The following OXR1 variants were observed in gnomAD, a reference collection of about 807,000 sequenced individuals.
OXR1 encodes the protein oxidation resistance 1.
In OXR1, 41 loss-of-function variants were observed where a neutral mutation model predicts 104.6. The observed-to-expected ratio is 0.39, with a 90% CI of 0.31 to 0.51. The LOEUF (loss-of-function observed/expected upper bound fraction) is 0.51, where lower values mean the gene tolerates loss of function less well. Among genes scored for constraint, OXR1 ranks in the 20% least tolerant of loss-of-function variants. The pLI is 0.77. For missense variants in OXR1, 955 were observed against 1,031.9 expected (o/e 0.93, Z 1.02); for synonymous variants, 348 against 348.4 (o/e 1.00, Z 0.01).
intron 11 of OXR1, chr8:106,720,596 A>G (rs1832746872): frequency 5.8e-6 from 2 of 342,634 alleles, no homozygotes; most frequent in Non-Finnish European, 8.3e-6. Context: ...TTGTGCCTTG[A>G]TTTTTAAGAA....
At chr8:106,385,322 C>G (rs1434273128) in intron 2 of OXR1, among the ~76,000 whole-genome samples, 1 of 152,096 alleles carries the variant, frequency 6.6e-6, no homozygotes, top group Non-Finnish European at 1.5e-5. Context: ...GGAGGGAAGT[C>G]TAGAGAGAAA....
At chr8:106,462,334 A>G (rs1820957348) in intron 2 of OXR1, among the ~76,000 whole-genome samples, 1 of 152,218 alleles carries the variant, frequency 6.6e-6, no homozygotes. Flanking sequence ...AGATGTATAC[A>G]TGAGATATTA....
In OXR1 at chr8:106,501,863, A is replaced by G. The variant is rs544989671; in HGVS notation, c.24-17080A>G. Among the ~76,000 whole-genome samples the G allele has an allele frequency of 3.9e-5, 6 of 152,338 alleles. No individual in the cohort carries two copies. In the East Asian group the frequency reaches 7.7e-4, roughly 20 times the overall value. The stretch of plus-strand genomic sequence containing the variant: ...CTTAGAATATTATTCTTAAGCTTCA[A>G]TAATAACCCTACAGATAGAAAGATT... On this transcript the variant is annotated intron_variant, in intron 2 of 16. Coordinates refer to ENST00000517566, the MANE Select transcript of OXR1 (RefSeq NM_001198533.2).
intron 4 of OXR1, 49 bp from the exon 5 acceptor site, chr8:106,683,150 A>T: frequency 1.1e-6 from 1 of 875,592 alleles, no homozygotes; most frequent in Non-Finnish European, 1.9e-6. Context: ...ATTATAGTTT[A>T]GTTTTTCTGT....
intron 3 of OXR1, among the ~76,000 whole-genome samples, chr8:106,527,957 A>G (rs1813813235): frequency 6.6e-6 from 1 of 152,204 alleles, no homozygotes; most frequent in South Asian, 2.1e-4. Context: ...TGGAGATCTC[A>G]TTGAGTGGTT....
intron 4 of OXR1, among the ~76,000 whole-genome samples, chr8:106,682,937 A>G (rs1828323131): frequency 1.3e-5 from 2 of 152,128 alleles, no homozygotes; most frequent in Non-Finnish European, 1.5e-5. Flanking sequence ...TTGACTTTTA[A>G]ATTATGTTTT....
intron 6 of OXR1, 97 bp from the exon 7 acceptor site, chr8:106,692,631 T>A: frequency 1.6e-6 from 1 of 639,422 alleles, no homozygotes; most frequent in South Asian, 3.7e-5. Flanking sequence ...GAAACAACAC[T>A]TATTGGGGAA....
At position 106,706,926 on chromosome 8, in the gene OXR1, C is replaced by G. The variant is rs1238523590; in HGVS notation, c.1405C>G (p.Pro469Ala). ...HQEESQKENM[P>A]CGETAEFKQK... is the part of the protein sequence containing the mutation. The stretch of plus-strand genomic sequence containing the variant: ...AGAAGAGAGTCAAAAAGAAAATATG[C>G]CTTGTGGGGAAACAGCAGAATTTAA... Residue 469 changes from proline (P) to alanine (A), a missense_variant, in exon 9 of 17, where the codon CCT becomes GCT. By Grantham distance (27) the Pro-to-Ala change is conservative. This residue lies in a region of OXR1 where 849 missense variants were observed against 852.9 expected (regional missense o/e 1.00). Transcript: ENST00000517566. The G allele has an allele frequency of 5.0e-6, 8 of 1,612,470 alleles. No individual in the cohort carries two copies. Among genetic ancestry groups the G allele is most frequent in the South Asian group, 1.1e-5 (1 of 90,668 alleles).
chr8:106,679,478 G>C (rs917792182), intron 4 of OXR1, among the ~76,000 whole-genome samples, 186 bp downstream of exon 4: 2 of 151,764 alleles, frequency 1.3e-5, no homozygotes, highest in Admixed American at 6.6e-5. Flanking sequence ...ATTTTACTGA[G>C]ATATAAAGGT....
At chr8:106,747,202 G>A (rs1363749650) in intron 16 of OXR1, among the ~76,000 whole-genome samples, 1 of 152,168 alleles carries the variant, frequency 6.6e-6, no homozygotes, top group African/African-American at 2.4e-5. Context: ...TATGCTGTAT[G>A]TGGTACCTTG....
In OXR1 at chr8:106,695,025, A is replaced by G. The variant is rs1219393997; in HGVS notation, c.675+2148A>G. 2.7e-5 allele frequency among the ~76,000 whole-genome samples: 4 copies of G among 146,890 alleles called. No homozygotes were observed. In the East Asian group the frequency reaches 5.9e-4, roughly 22 times the overall value. On this transcript the variant is annotated intron_variant, in intron 7 of 16. Transcript: ENST00000517566. ...ATTCTCACTTTAAGTAGCATTATAT[A>G]TGCCACTTTACATATAGTACACACA... is the stretch of plus-strand genomic sequence containing the variant.
chr8:106,664,503 A>G lies in OXR1; in HGVS notation c.221-14707A>G, dbSNP rs1288164497. Among the ~76,000 whole-genome samples the G allele has an allele frequency of 2.0e-5, 3 of 152,360 alleles. No individual in the cohort carries two copies. The East Asian group carries it at 5.8e-4, about 29-fold the overall frequency. On this transcript the variant is annotated intron_variant, in intron 3 of 16. Transcript: ENST00000517566. ...TGAAATTTATTAAATGCTTATATTAATAGTTTTGTTTTAAGTCTAGGAATA... is the reference window on the plus strand; with the variant it reads ...TGAAATTTATTAAATGCTTATATTAGTAGTTTTGTTTTAAGTCTAGGAATA...
rs183242847 is a variant in OXR1, at chr8:106,581,508, A to T, written c.220+62369A>T. The stretch of plus-strand genomic sequence containing the variant: ...TATTTTGATTCTGTGTTTTTTTTTT[A>T]AAAAAAACCTTTTAAACATTTGTCT... On this transcript the variant is annotated intron_variant, in intron 3 of 16. Transcript: ENST00000517566. 9.5e-3 allele frequency among the ~76,000 whole-genome samples: 1,428 copies of T among 150,346 alleles called. 17 individuals are homozygous for T. Among genetic ancestry groups the T allele is most frequent in the African/African-American group, 0.028 (1,173 of 41,162 alleles).
intron 3 of OXR1, among the ~76,000 whole-genome samples, chr8:106,524,645 C>T (rs1372520575): frequency 6.6e-5 from 10 of 152,172 alleles, no homozygotes; most frequent in Non-Finnish European, 1.5e-4. Context: ...AAAAATGAAA[C>T]AGAGAGAGCC....
chr8:106,499,351 A>G (rs1002412101), intron 2 of OXR1, among the ~76,000 whole-genome samples: 2 of 152,134 alleles, frequency 1.3e-5, no homozygotes, highest in East Asian at 3.9e-4. Flanking sequence ...TTTATTGAAG[A>G]CCAGTTGATG....
chr8:106,479,574 C>T (rs191382241), intron 2 of OXR1, among the ~76,000 whole-genome samples: 25 of 152,068 alleles, frequency 1.6e-4, no homozygotes, highest in Non-Finnish European at 3.4e-4. Flanking sequence ...ACACAGCCTG[C>T]CTGACCATCC....
intron 2 of OXR1, among the ~76,000 whole-genome samples, chr8:106,402,518 C>T (rs185698742): frequency 5.5e-4 from 83 of 152,280 alleles, no homozygotes; most frequent in East Asian, 1.4e-3. Flanking sequence ...CACTGTGAGA[C>T]GTCTTTGAAC....
chr8:106,643,859 C>T (rs1232594595), intron 3 of OXR1, among the ~76,000 whole-genome samples: 1 of 152,074 alleles, frequency 6.6e-6, no homozygotes, highest in East Asian at 1.9e-4. Context: ...AGGCCCCGCT[C>T]ATGTCTTATG....
chr8:106,317,794 CA>C (rs200998873), intron 1 of OXR1, among the ~76,000 whole-genome samples: 59 of 132,708 alleles, frequency 4.4e-4, no homozygotes, highest in East Asian at 1.1e-3. Context: ...AACTAAATTC[CA>C]AAAAAAAAAA....
Sources: gnomAD v4.1 joint callset for allele counts (sites outside exome capture counted in the v4.1 genomes callset) on GRCh38, gnomAD v4.1.1 for gene constraint, gnomAD v4.1.1 regional missense constraint, MANE v1.5 for transcripts, NCBI Gene and HGNC (gene_info 2026-07-23, HGNC 2026-07-21) for gene names.